The following SH2D1A variants were observed in gnomAD, a reference collection of about 807,000 sequenced individuals.
SH2D1A encodes the protein SH2 domain containing 1A.
Under a neutral mutation model 10.1 loss-of-function variants are expected in SH2D1A, and 6 were observed. That is an observed-to-expected ratio of 0.60 (90% CI 0.33 to 1.18). The LOEUF is 1.18. Ranked by LOEUF, SH2D1A falls within the 50% of genes most tolerant of loss-of-function variation. The pLI is 0.04. For missense variants in SH2D1A, 51 were observed against 97.6 expected (o/e 0.52, Z 2.01); for synonymous variants, 42 against 36.9 (o/e 1.14, Z -0.51).
chrX:124,355,975 T>C (rs1473223806), intron 1 of SH2D1A, among the ~76,000 whole-genome samples: 1 of 110,324 alleles, frequency 9.1e-6, no homozygotes, highest in Non-Finnish European at 1.9e-5. Flanking sequence ...GTTTGTTACA[T>C]ATGTATACAT....
Position 124,365,740 on chromosome X carries a change from TG to T in SH2D1A, c.138-19del. On this transcript the variant is annotated intron_variant, in intron 1 of 3. Coordinates refer to ENST00000371139, the MANE Select transcript of SH2D1A (RefSeq NM_002351.5). ...TTGTTCTTTTGGAATCTTTCAGTAA[TG>T]GAAGTTTATTCTTTCACAGGTATCA... 1 of 1,044,898 alleles carries T rather than the reference TG, an allele frequency of 9.6e-7. No individual in the cohort carries two copies. The allele number at this position is 1,044,898 out of a possible 1,213,427, so 86.1% of individuals were successfully genotyped here.
rs1048345838 is a variant in SH2D1A at position 124,368,341 on chromosome X, A to G, written c.202-1835A>G. Among the ~76,000 whole-genome samples the G allele has an allele frequency of 2.7e-5, 3 of 110,796 alleles. No homozygotes were observed. In the East Asian group the frequency reaches 8.5e-4, roughly 31 times the overall value. ...TTTTTAGTAAAGCCAGGCTTTCACC[A>G]TGTTGCCCAGGCTGGTCTTGAACTC... On this transcript the variant is annotated intron_variant, in intron 2 of 3. Coordinates refer to ENST00000371139, the MANE Select transcript of SH2D1A (RefSeq NM_002351.5).
intron 1 of SH2D1A, among the ~76,000 whole-genome samples, chrX:124,364,729 G>T (rs1277353997): frequency 1.8e-5 from 2 of 110,861 alleles, no homozygotes; most frequent in South Asian, 3.8e-4. Flanking sequence ...AACCAGGATG[G>T]TCTCGATCTC....
intron 1 of SH2D1A, chrX:124,353,141 A>C (rs1466939464): frequency 2.1e-5 from 3 of 145,465 alleles, no homozygotes; most frequent in Non-Finnish European, 4.3e-5. Flanking sequence ...ATGTATCAAA[A>C]ATTTTTTTGA....
chrX:124,349,964 A>G (rs1358674919), intron 1 of SH2D1A, among the ~76,000 whole-genome samples: 2 of 104,224 alleles, frequency 1.9e-5, no homozygotes, highest in Non-Finnish European at 3.9e-5. Context: ...AAAATCATCT[A>G]TAGTTTTATA....
chrX:124,360,131 C>G (rs1414811642), intron 1 of SH2D1A, among the ~76,000 whole-genome samples: 1 of 111,012 alleles, frequency 9.0e-6, no homozygotes, highest in Non-Finnish European at 1.9e-5. Context: ...GTCTCGAACT[C>G]CTGACCTCAG....
intron 1 of SH2D1A, among the ~76,000 whole-genome samples, chrX:124,349,570 A>G (rs1325204975): frequency 9.0e-6 from 1 of 111,615 alleles, no homozygotes; most frequent in Non-Finnish European, 1.9e-5. Context: ...GTTTACTCCT[A>G]TTAACCAAGA....
chrX:124,350,650 AATATATT>A (rs1381280583), intron 1 of SH2D1A, among the ~76,000 whole-genome samples: 1 of 43,916 alleles, frequency 2.3e-5, no homozygotes, highest in Non-Finnish European at 3.4e-5. Context: ...TATAAGATAT[AATATATT>A]ATATATTGTA....
At chrX:124,369,880 T>A (rs780768644) in intron 2 of SH2D1A, among the ~76,000 whole-genome samples, 120 of 110,731 alleles carry the variant, frequency 1.1e-3, no homozygotes, top group African/African-American at 3.7e-3. Context: ...CCCTTAGAGG[T>A]TTGAGATGTC....
chrX:124,356,780 C>T (rs1463626861), intron 1 of SH2D1A, among the ~76,000 whole-genome samples: 1 of 112,314 alleles, frequency 8.9e-6, no homozygotes, highest in African/African-American at 3.2e-5. Flanking sequence ...TGTAAACCTT[C>T]ACCTTTGACA....
intron 3 of SH2D1A, 117 bp from the exon 4 acceptor site, chrX:124,371,234 T>C (rs2060068399): frequency 4.0e-6 from 2 of 498,919 alleles, no homozygotes; most frequent in Non-Finnish European, 3.5e-6. Context: ...TGAGGTATAT[T>C]ACTGTGTTGT....
intron 1 of SH2D1A, among the ~76,000 whole-genome samples, chrX:124,351,054 TATAA>T (rs1317239879): frequency 3.3e-5 from 3 of 91,915 alleles, no homozygotes; most frequent in African/African-American, 1.2e-4. Context: ...TATATATTAT[TATAA>T]ATATATATTT....
chrX:124,366,333 A>G (rs1329792090), intron 2 of SH2D1A, among the ~76,000 whole-genome samples: 2 of 111,229 alleles, frequency 1.8e-5, no homozygotes, highest in Non-Finnish European at 3.8e-5. Context: ...TGATAGGTCT[A>G]TGATCTTGGG....
At chrX:124,357,253 G>A (rs182359449) in intron 1 of SH2D1A, among the ~76,000 whole-genome samples, 3 of 111,880 alleles carry the variant, frequency 2.7e-5, no homozygotes, top group Admixed American at 9.5e-5. Context: ...GTTTCTCTGC[G>A]CATAGCTTAT....
chrX:124,368,270 C>A (rs926951799), intron 2 of SH2D1A, among the ~76,000 whole-genome samples: 2 of 110,984 alleles, frequency 1.8e-5, no homozygotes, highest in Non-Finnish European at 3.8e-5. Context: ...TGTGCCTCAG[C>A]TTCCCAAGTA....
rs1042282148 is a variant in SH2D1A, at chrX:124,371,460, A to G, written c.*69A>G. The G allele has an allele frequency of 1.4e-4, 100 of 705,788 alleles. No individual in the cohort carries two copies. In the African/African-American group the frequency reaches 2.1e-3, roughly 15 times the overall value. The allele number at this position is 705,788 out of a possible 1,213,427, so 58.2% of individuals were successfully genotyped here. On this transcript the variant is annotated 3_prime_UTR_variant, in exon 4 of 4. Coordinates refer to ENST00000371139, the MANE Select transcript of SH2D1A (RefSeq NM_002351.5). ...ATATGCTAAGTCTTATATATTGTAGATAATACAGTTCGGTGAGCTACAAAT... is the reference window on the plus strand; with the variant it reads ...ATATGCTAAGTCTTATATATTGTAGGTAATACAGTTCGGTGAGCTACAAAT...
At chrX:124,370,382 C>G in intron 3 of SH2D1A, 62 bp downstream of exon 3, 1 of 920,857 alleles carries the variant, frequency 1.1e-6, no homozygotes, top group East Asian at 3.1e-5. Context: ...TCAACCTGTT[C>G]ATAACCATAT....
At chrX:124,368,966 T>C (rs904313483) in intron 2 of SH2D1A, among the ~76,000 whole-genome samples, 2 of 111,122 alleles carry the variant, frequency 1.8e-5, no homozygotes, top group Non-Finnish European at 3.8e-5. Flanking sequence ...GGGGTGGAGC[T>C]GGGTGAGAGA....
chrX:124,359,969 G>A (rs1025394459), intron 1 of SH2D1A, among the ~76,000 whole-genome samples: 2 of 110,219 alleles, frequency 1.8e-5, no homozygotes, highest in Admixed American at 9.6e-5. Flanking sequence ...GCAATGGTGC[G>A]ATCTCAGCGC....
Sources: allele counts gnomAD v4.1 joint callset (sites outside exome capture counted in the v4.1 genomes callset), GRCh38; gene constraint gnomAD v4.1.1; transcripts MANE v1.5; gene names NCBI Gene and HGNC (gene_info 2026-07-23, HGNC 2026-07-21).